The following ADGRA1 variants were observed in gnomAD, a reference collection of about 807,000 sequenced individuals.
ADGRA1 encodes the protein G-protein coupled receptor 123.
Under a neutral mutation model 21.3 loss-of-function variants are expected in ADGRA1, and 12 were observed. The ratio of observed to expected loss-of-function variants is 0.56; its 90% CI spans 0.36 to 0.91. The LOEUF (loss-of-function observed/expected upper bound fraction) is 0.91, where lower values mean the gene tolerates loss of function less well. Ranked by LOEUF, ADGRA1 falls within the 40% of genes least tolerant of loss-of-function variation. The probability of loss-of-function intolerance (pLI) is 0.01; values close to 1 mark genes in which losing one functional copy is unlikely to be tolerated. For synonymous variants in ADGRA1, 385 were observed against 368.8 expected (o/e 1.04, Z -0.50); for missense variants, 790 against 805.6 (o/e 0.98, Z 0.23).
intron 5 of ADGRA1, among the ~76,000 whole-genome samples, chr10:133,121,309 C>A (rs1313611296): frequency 3.3e-5 from 5 of 152,244 alleles, no homozygotes; most frequent in Admixed American, 6.5e-5. Flanking sequence ...AACTCAGGAC[C>A]TGCAAAGCCC....
intron 5 of ADGRA1, among the ~76,000 whole-genome samples, chr10:133,119,338 G>A (rs1404294479): frequency 2.0e-5 from 3 of 152,346 alleles, no homozygotes; most frequent in South Asian, 2.1e-4. Flanking sequence ...CGATGTGGAT[G>A]GCCGCTGGGG....
chr10:133,096,187 G>A (rs1468179113), intron 2 of ADGRA1, among the ~76,000 whole-genome samples: 1 of 152,184 alleles, frequency 6.6e-6, no homozygotes, highest in African/African-American at 2.4e-5. Flanking sequence ...TCCTGGGCCT[G>A]TGCACGCATG....
At chr10:133,104,048 A>C (rs1851849947) in intron 5 of ADGRA1, among the ~76,000 whole-genome samples, 1 of 152,212 alleles carries the variant, frequency 6.6e-6, no homozygotes, top group Non-Finnish European at 1.5e-5. Flanking sequence ...TGGCGCACGG[A>C]CACCTGCTTC....
chr10:133,112,778 T>TGCGGGCCGC (rs1852078527), intron 5 of ADGRA1, among the ~76,000 whole-genome samples: 1 of 104,004 alleles, frequency 9.6e-6, no homozygotes. Context: ...CTGTAAGCTA[T>TGCGGGCCGC]GTCGGTTATT....
intron 5 of ADGRA1, among the ~76,000 whole-genome samples, chr10:133,117,501 G>A (rs945223859): frequency 6.6e-6 from 1 of 152,208 alleles, no homozygotes; most frequent in Admixed American, 6.5e-5. Flanking sequence ...CAGAGCCCGG[G>A]AGACTGCCTG....
chr10:133,112,086 C>G lies in ADGRA1; in HGVS notation c.401+9244C>G, dbSNP rs118008884. ...GCATCTCCCTCCTAATCCTGCTGGC[C>G]AGCCCACTTTGAGGAAGGGCCTCTA... On this transcript the variant is annotated intron_variant, in intron 5 of 6. Transcript: ENST00000392607. 1.2e-3 allele frequency among the ~76,000 whole-genome samples: 176 copies of G among 152,336 alleles called. 3 individuals carry two copies. The East Asian group carries it at 0.032, about 27-fold the overall frequency.
intron 5 of ADGRA1, among the ~76,000 whole-genome samples, chr10:133,108,883 T>C (rs113993153): frequency 1.6e-4 from 12 of 76,978 alleles, no homozygotes; most frequent in African/African-American, 2.4e-4. Context: ...CAGCTCCACT[T>C]GGCCCCAGCT....
chr10:133,110,758 C>T (rs954376533), intron 5 of ADGRA1, among the ~76,000 whole-genome samples: 1 of 152,204 alleles, frequency 6.6e-6, no homozygotes, highest in African/African-American at 2.4e-5. Flanking sequence ...AGCCTGCTTC[C>T]TCTATACCCA....
intron 3 of ADGRA1, among the ~76,000 whole-genome samples, 170 bp downstream of exon 3, chr10:133,097,271 T>TCCAC (rs1379340190): frequency 6.6e-6 from 1 of 152,214 alleles, no homozygotes; most frequent in East Asian, 1.9e-4. Context: ...CTGGTGCCCA[T>TCCAC]CACACAGCCG....
chr10:133,121,443 G>C (rs928134969), intron 5 of ADGRA1, among the ~76,000 whole-genome samples: 1 of 151,176 alleles, frequency 6.6e-6, no homozygotes, highest in Non-Finnish European at 1.5e-5. Context: ...GTGCGTGTGT[G>C]CGTGTGCGTG....
At chr10:133,097,224 A>G (rs1446566442) in intron 3 of ADGRA1, 123 bp downstream of exon 3, 7 of 1,206,314 alleles carry the variant, frequency 5.8e-6, no homozygotes, top group Middle Eastern at 2.3e-4. Context: ...TGAAGGTACA[A>G]CTCAGGTCAC....
At chr10:133,104,549 G>C (rs575242164) in intron 5 of ADGRA1, among the ~76,000 whole-genome samples, 6 of 152,168 alleles carry the variant, frequency 3.9e-5, no homozygotes, top group African/African-American at 1.4e-4. Context: ...CCTGCTTGCG[G>C]CCATGGTGCC....
intron 4 of ADGRA1, among the ~76,000 whole-genome samples, chr10:133,099,464 C>G (rs534481780): frequency 1.6e-4 from 24 of 152,316 alleles, no homozygotes; most frequent in Middle Eastern, 3.4e-3. Flanking sequence ...CCTCCTCCCC[C>G]ACTGCAGGGA....
chr10:133,128,471 C>G lies in ADGRA1; in HGVS notation c.643C>G (p.Pro215Ala), dbSNP rs193134654. The change falls in exon 7 of 7, where the codon CCC (proline) becomes GCC (alanine). Residue 215 changes from proline to alanine, a missense_variant. By Grantham distance (27) the Pro-to-Ala change is conservative. Transcript: ENST00000392607. ...GCGCAGGTACGAGCTGCGCACACAG[C>G]CCGAGGAGCAGCGGCGGCTGGCGAC... ...PGRRYELRTQ[P>A]EEQRRLATPE... The G allele has an allele frequency of 3.9e-4, 619 of 1,583,650 alleles. 1 individual carries two copies. In the African/African-American group the frequency reaches 7.1e-3, roughly 18 times the overall value.
chr10:133,121,502 T>C (rs969484412), intron 5 of ADGRA1, among the ~76,000 whole-genome samples: 2 of 149,146 alleles, frequency 1.3e-5, no homozygotes, highest in African/African-American at 2.5e-5. Context: ...CCAGTGTGCG[T>C]GTGTGCAAGT....
intron 4 of ADGRA1, chr10:133,102,276 G>A (rs746659544): frequency 9.7e-5 from 48 of 493,202 alleles, no homozygotes; most frequent in South Asian, 1.2e-4. Context: ...CCCACAGTAA[G>A]AGCATCCTGG....
At chr10:133,100,596 TGGA>T (rs1276657948) in intron 4 of ADGRA1, among the ~76,000 whole-genome samples, 3 of 152,144 alleles carry the variant, frequency 2.0e-5, no homozygotes, top group Non-Finnish European at 4.4e-5. Context: ...GTTGCAATCT[TGGA>T]GGAGATCTTG....
intron 4 of ADGRA1, among the ~76,000 whole-genome samples, chr10:133,101,610 G>A (rs958175118): frequency 2.6e-5 from 4 of 152,180 alleles, no homozygotes; most frequent in African/African-American, 4.8e-5. Context: ...ACAGCCCCAC[G>A]GCTGCTTCCT....
rs886345357 is a variant in ADGRA1 at position 133,088,761 on chromosome 10, G to A, written c.-149G>A. 2.4e-6 allele frequency: 3 copies of A among 1,231,308 alleles called. No homozygotes were observed. The highest frequency in any genetic ancestry group is 3.0e-6 in the Non-Finnish European group (3 of 987,720). The allele number at this position is 1,231,308 out of a possible 1,614,324, so 76.3% of individuals were successfully genotyped here. On this transcript the variant is annotated 5_prime_UTR_variant, in exon 2 of 7. Transcript: ENST00000392607. ...CCCGCCGCGGTCACCCTGAGGCCAG[G>A]GGCCCGGGAGCGCGACCTCCTGGCC...
Sources: gnomAD v4.1 joint callset for allele counts (sites outside exome capture counted in the v4.1 genomes callset) on GRCh38, gnomAD v4.1.1 for gene constraint, MANE v1.5 for transcripts, NCBI Gene and HGNC (gene_info 2026-07-23, HGNC 2026-07-21) for gene names.